Variants in MYO1B observed in about 807,000 individuals in gnomAD.
The protein encoded by MYO1B is unconventional myosin-Ib.
In MYO1B, 72 loss-of-function variants were observed where a neutral mutation model predicts 159.7. That is an observed-to-expected ratio of 0.45 (90% CI 0.37 to 0.55). The LOEUF (loss-of-function observed/expected upper bound fraction) is 0.55, where lower values mean the gene tolerates loss of function less well. Among genes scored for constraint, MYO1B ranks in the 20% least tolerant of loss-of-function variants. The pLI, the probability that MYO1B is intolerant of heterozygous loss-of-function variation, is 0.00. For missense variants in MYO1B, 1,062 were observed against 1,364.8 expected, an observed-to-expected ratio of 0.78 and a Z score of 3.50; for synonymous variants, 468 against 473.8, an observed-to-expected ratio of 0.99 and a Z score of 0.16.
At chr2:191,328,147 T>C (rs1223258001) in intron 3 of MYO1B, among the ~76,000 whole-genome samples, 1 of 152,214 alleles carries the variant, frequency 6.6e-6, no homozygotes, top group African/African-American at 2.4e-5. Context: ...GGCTAGCATT[T>C]AATTTGCAGG....
chr2:191,303,096 A>G (rs905052653), intron 3 of MYO1B, among the ~76,000 whole-genome samples: 12 of 152,048 alleles, frequency 7.9e-5, no homozygotes, highest in Non-Finnish European at 1.8e-4. Flanking sequence ...ACTATATCTC[A>G]AAATGTACCA....
At chr2:191,386,804 C>A (rs1695425094) in intron 16 of MYO1B, among the ~76,000 whole-genome samples, 1 of 151,968 alleles carries the variant, frequency 6.6e-6, no homozygotes, top group African/African-American at 2.4e-5. Context: ...AATTTCTGAT[C>A]AGCTTTTCTG....
intron 3 of MYO1B, among the ~76,000 whole-genome samples, chr2:191,308,270 A>G (rs1030431015): frequency 3.3e-5 from 5 of 152,220 alleles, no homozygotes; most frequent in African/African-American, 9.7e-5. Flanking sequence ...CAAAGACCAG[A>G]TACATTTGTT....
At chr2:191,285,949 C>A (rs1261846568) in intron 2 of MYO1B, among the ~76,000 whole-genome samples, 1 of 152,142 alleles carries the variant, frequency 6.6e-6, no homozygotes, top group African/African-American at 2.4e-5. Flanking sequence ...GGATGCCAAG[C>A]AGCTGAAAGA....
At chr2:191,304,425 C>G (rs569294337) in intron 3 of MYO1B, among the ~76,000 whole-genome samples, 1 of 152,102 alleles carries the variant, frequency 6.6e-6, no homozygotes, top group Non-Finnish European at 1.5e-5. Flanking sequence ...ACAAAATTAG[C>G]CTGGCGTAGT....
At chr2:191,383,631 C>T (rs962612841) in intron 15 of MYO1B, among the ~76,000 whole-genome samples, 11 of 150,922 alleles carry the variant, frequency 7.3e-5, no homozygotes, top group Non-Finnish European at 2.9e-5. Flanking sequence ...TGAACACATA[C>T]ATAGACAGCT....
At chr2:191,252,103 G>A (rs1360253434) in intron 1 of MYO1B, among the ~76,000 whole-genome samples, 1 of 152,214 alleles carries the variant, frequency 6.6e-6, no homozygotes, top group Non-Finnish European at 1.5e-5. Context: ...TTAAGGAAAA[G>A]CTTAATTTTC....
intron 2 of MYO1B, among the ~76,000 whole-genome samples, chr2:191,294,563 C>T (rs1437730348): frequency 6.6e-6 from 1 of 152,168 alleles, no homozygotes; most frequent in Non-Finnish European, 1.5e-5. Flanking sequence ...GGAGACATCT[C>T]CCATCTCCTA....
chr2:191,367,394 T>G (rs1694079006), intron 11 of MYO1B, among the ~76,000 whole-genome samples: 1 of 152,160 alleles, frequency 6.6e-6, no homozygotes, highest in Non-Finnish European at 1.5e-5. Flanking sequence ...TCTTTAAGTT[T>G]TGAATTTGAG....
At chr2:191,333,463 A>G (rs537002853) in intron 4 of MYO1B, among the ~76,000 whole-genome samples, 27 of 152,122 alleles carry the variant, frequency 1.8e-4, no homozygotes, top group African/African-American at 6.5e-4. Flanking sequence ...CCTTTCCTGT[A>G]TTTCCCATAT....
chr2:191,398,393 G>A lies in MYO1B; in HGVS notation c.2295+1896G>A, dbSNP rs1398397265. Among the ~76,000 whole-genome samples, 1,022 of 104,532 alleles carry A rather than the reference G, an allele frequency of 9.8e-3. 40 individuals carry two copies. The highest frequency in any genetic ancestry group is 0.03 in the African/African-American group (965 of 32,332). 68.6% of individuals were successfully genotyped at this position (104,532 alleles called of 152,430 possible). On this transcript the variant is annotated intron_variant, in intron 21 of 30. Coordinates refer to ENST00000392318, the MANE Select transcript of MYO1B (RefSeq NM_001130158.3). ...TGGGCAGAGGAGCCCCTCACCTCCC[G>A]GACGGGGCGGCTGGCCGGGCGGGGG...
At chr2:191,355,865 A>T (rs547563923) in intron 7 of MYO1B, among the ~76,000 whole-genome samples, 2 of 152,280 alleles carry the variant, frequency 1.3e-5, no homozygotes, top group African/African-American at 4.8e-5. Flanking sequence ...CACAATGGAG[A>T]TGGAGGATGG....
At chr2:191,393,977 G>C (rs973188770) in intron 20 of MYO1B, among the ~76,000 whole-genome samples, 4 of 152,106 alleles carry the variant, frequency 2.6e-5, no homozygotes, top group Admixed American at 1.3e-4. Flanking sequence ...CTCTTTTTCA[G>C]CCATAAAGAG....
intron 20 of MYO1B, among the ~76,000 whole-genome samples, chr2:191,395,427 G>C (rs1167302662): frequency 1.3e-5 from 2 of 152,156 alleles, no homozygotes; most frequent in African/African-American, 2.4e-5. Context: ...ACATAGCCTG[G>C]TAGCCTGGGA....
chr2:191,373,423 CAT>C (rs771715390), intron 13 of MYO1B, among the ~76,000 whole-genome samples: 11 of 152,308 alleles, frequency 7.2e-5, no homozygotes, highest in East Asian at 5.8e-4. Context: ...AGATTCCAAA[CAT>C]GTGGTGTTCA....
At chr2:191,398,456 T>G (rs1696340968) in intron 21 of MYO1B, among the ~76,000 whole-genome samples, 1 of 137,538 alleles carries the variant, frequency 7.3e-6, no homozygotes, top group Non-Finnish European at 1.6e-5. Context: ...ACGGAGACGC[T>G]CCTCACTTCC....
chr2:191,382,596 A>G (rs1191606743), intron 14 of MYO1B, among the ~76,000 whole-genome samples: 3 of 152,242 alleles, frequency 2.0e-5, no homozygotes, highest in Non-Finnish European at 4.4e-5. Flanking sequence ...CTAAGAATAT[A>G]TAGGAAGATT....
chr2:191,285,329 T>C (rs1688301806), intron 2 of MYO1B, among the ~76,000 whole-genome samples: 1 of 152,216 alleles, frequency 6.6e-6, no homozygotes, highest in Admixed American at 6.5e-5. Flanking sequence ...AGTTCTTTAA[T>C]TCATAGTCTG....
intron 13 of MYO1B, chr2:191,381,260 C>G (rs2126070911): frequency 3.1e-6 from 2 of 640,016 alleles, no homozygotes; most frequent in Non-Finnish European, 5.7e-6. Context: ...TTTGTGTATA[C>G]TTCATTCATT....
Sources: gnomAD v4.1 joint callset for allele counts (sites outside exome capture counted in the v4.1 genomes callset) on GRCh38, gnomAD v4.1.1 for gene constraint, MANE v1.5 for transcripts, NCBI Gene and HGNC (gene_info 2026-07-23, HGNC 2026-07-21) for gene names.